The following HDAC9 variants were observed in gnomAD, a reference collection of about 807,000 sequenced individuals.
The protein encoded by HDAC9 is MEF-2 interacting transcription repressor (MITR) protein.
In HDAC9, 41 loss-of-function variants were observed where a neutral mutation model predicts 139.4. The observed-to-expected ratio is 0.29, with a 90% confidence interval of 0.23 to 0.38. HDAC9 has a LOEUF of 0.38. HDAC9 is among the 10% of genes least tolerant of loss of function. The pLI, the probability that HDAC9 is intolerant of heterozygous loss-of-function variation, is 1.00. For synonymous variants in HDAC9, 517 were observed against 476.2 expected (o/e 1.09, Z -1.12); for missense variants, 1,147 against 1,297.0 (o/e 0.88, Z 1.78).
intron 1 of HDAC9, among the ~76,000 whole-genome samples, chr7:18,422,245 C>G (rs1562970784): frequency 6.6e-6 from 1 of 152,098 alleles, no homozygotes; most frequent in African/African-American, 2.4e-5. Context: ...CCTTTCTCCT[C>G]AGTTTCCCCT....
chr7:18,863,496 T>C (rs1166685877), intron 21 of HDAC9, among the ~76,000 whole-genome samples: 1 of 152,216 alleles, frequency 6.6e-6, no homozygotes, highest in Admixed American at 6.5e-5. Flanking sequence ...GTATTTTATG[T>C]GTGGCCCAAG....
chr7:18,514,956 A>G (rs1389271866), intron 2 of HDAC9, among the ~76,000 whole-genome samples: 2 of 152,154 alleles, frequency 1.3e-5, no homozygotes, highest in Admixed American at 1.3e-4. Flanking sequence ...TAAAGATAAT[A>G]AGAAAATAAT....
chr7:18,160,835 C>A (rs1413042871), intron 1 of HDAC9, among the ~76,000 whole-genome samples: 1 of 152,072 alleles, frequency 6.6e-6, no homozygotes, highest in Non-Finnish European at 1.5e-5. Context: ...CCAGGCTGGT[C>A]TCAAACTCCT....
intron 22 of HDAC9, among the ~76,000 whole-genome samples, chr7:18,909,800 A>G (rs1802585924): frequency 6.6e-6 from 1 of 152,032 alleles, no homozygotes; most frequent in South Asian, 2.1e-4. Flanking sequence ...CCTCTCTTCT[A>G]TTCCACTGAT....
chr7:18,723,839 A>T (rs1785321283), intron 12 of HDAC9, among the ~76,000 whole-genome samples: 1 of 152,218 alleles, frequency 6.6e-6, no homozygotes, highest in African/African-American at 2.4e-5. Flanking sequence ...TGATAAAAAA[A>T]GAAACATGGC....
At chr7:18,754,235 T>C (rs1016324918) in intron 14 of HDAC9, among the ~76,000 whole-genome samples, 4 of 152,068 alleles carry the variant, frequency 2.6e-5, no homozygotes, top group Non-Finnish European at 5.9e-5. Context: ...ACCAGCAGCT[T>C]TCTTATCACC....
At chr7:18,226,639 C>G (rs1793076149) in intron 2 of HDAC9, among the ~76,000 whole-genome samples, 1 of 152,060 alleles carries the variant, frequency 6.6e-6, no homozygotes, top group African/African-American at 2.4e-5. Context: ...ATAGCCTAGC[C>G]TAGGGGTTCA....
At chr7:18,097,565 A>G (rs561542520) in intron 1 of HDAC9, among the ~76,000 whole-genome samples, 4 of 147,662 alleles carry the variant, frequency 2.7e-5, no homozygotes, top group East Asian at 2.0e-4. Flanking sequence ...TGGATTATCT[A>G]TATCATTATT....
rs991489701 is a variant in HDAC9 at position 19,002,354 on chromosome 7, T to A, written c.*6292T>A. The A allele has an allele frequency of 5.9e-5, 9 of 152,140 alleles. No homozygotes were observed. Among genetic ancestry groups the A allele is most frequent in the Admixed American group, 2.6e-4 (4 of 15,272 alleles). 9.4% of individuals were successfully genotyped at this position (152,140 alleles called of 1,614,324 possible). On this transcript the variant is annotated 3_prime_UTR_variant, in exon 26 of 26. Coordinates refer to ENST00000686413, the MANE Select transcript of HDAC9 (RefSeq NM_178425.4). Reference sequence around the variant, plus strand: ...GAATAAAATAACCCCTTTTGTTTTGTGTTTTCTACTGAATTAGATTTTCCT... The same window carrying A: ...GAATAAAATAACCCCTTTTGTTTTGAGTTTTCTACTGAATTAGATTTTCCT...
rs576920885 is a variant in HDAC9 at position 18,248,718 on chromosome 7, A to G, written c.25+86369A>G. Among the ~76,000 whole-genome samples, 10 of 152,336 alleles carry G rather than the reference A, an allele frequency of 6.6e-5. No individual in the cohort carries two copies. The South Asian group carries it at 2.1e-3, about 32-fold the overall frequency. The stretch of plus-strand genomic sequence containing the variant: ...ATTGGTCTGTAAAAGTCTTCTCACC[A>G]AGGCTGTGGGAAGGAACGTTTCCTC... On this transcript the variant is annotated intron_variant, in intron 2 of 12. Coordinates refer to the HDAC9 transcript ENST00000417496.
At chr7:18,183,045 T>C (rs1789587725) in intron 2 of HDAC9, among the ~76,000 whole-genome samples, 1 of 151,822 alleles carries the variant, frequency 6.6e-6, no homozygotes, top group South Asian at 2.1e-4. Flanking sequence ...AGTCTCACTC[T>C]GTTGCCCGTG....
chr7:18,864,230 A>T (rs1798320435), intron 21 of HDAC9, among the ~76,000 whole-genome samples: 1 of 152,338 alleles, frequency 6.6e-6, no homozygotes, highest in African/African-American at 2.4e-5. Context: ...CATATGTAAC[A>T]ACATGGATGA....
Position 18,762,280 on chromosome 7 carries a change from C to A in HDAC9, c.2164+3C>A, listed in dbSNP as rs767012765. 2 of 1,613,250 alleles carry A rather than the reference C, an allele frequency of 1.2e-6. No homozygotes were observed. Among genetic ancestry groups the A allele is most frequent in the East Asian group, 4.5e-5 (2 of 44,836 alleles). On this transcript the variant is annotated splice_donor_region_variant and intron_variant, in intron 15 of 25. Coordinates refer to ENST00000686413, the MANE Select transcript of HDAC9 (RefSeq NM_178425.4). The stretch of plus-strand genomic sequence containing the variant: ...GCTGGACCCCAGGATACTCCTAGGT[C>A]TGTACGGGCCTCCACTGTACTGGGA...
At chr7:18,137,903 T>C (rs1328893370) in intron 1 of HDAC9, among the ~76,000 whole-genome samples, 2 of 151,872 alleles carry the variant, frequency 1.3e-5, no homozygotes, top group Non-Finnish European at 2.9e-5. Context: ...CTTGTACCTC[T>C]GGTAGAATTT....
intron 1 of HDAC9, among the ~76,000 whole-genome samples, chr7:18,423,859 A>C (rs1451940264): frequency 6.6e-6 from 1 of 152,226 alleles, no homozygotes; most frequent in Non-Finnish European, 1.5e-5. Context: ...GTGCCAGACC[A>C]GATTCACAGC....
intron 22 of HDAC9, among the ~76,000 whole-genome samples, chr7:18,930,096 C>G (rs142461599): frequency 6.6e-6 from 1 of 152,022 alleles, no homozygotes; most frequent in Non-Finnish European, 1.5e-5. Context: ...GTGGCTGCTC[C>G]GAGGCATCCA....
chr7:18,973,991 CAG>C (rs1784404271), intron 24 of HDAC9, among the ~76,000 whole-genome samples: 1 of 152,176 alleles, frequency 6.6e-6, no homozygotes, highest in African/African-American at 2.4e-5. Flanking sequence ...CCAGGATCAT[CAG>C]AGTGTCATTC....
At chr7:18,310,570 C>G (rs544429905) in intron 1 of HDAC9, among the ~76,000 whole-genome samples, 1 of 152,122 alleles carries the variant, frequency 6.6e-6, no homozygotes, top group South Asian at 2.1e-4. Context: ...CATACACTCA[C>G]GTTTAACTTC....
intron 2 of HDAC9, among the ~76,000 whole-genome samples, chr7:18,196,942 T>C (rs1279967260): frequency 6.6e-6 from 1 of 152,152 alleles, no homozygotes; most frequent in Admixed American, 6.5e-5. Context: ...GGTGATACTG[T>C]GAGGGTGATT....
Sources: allele counts gnomAD v4.1 joint callset (sites outside exome capture counted in the v4.1 genomes callset), GRCh38; gene constraint gnomAD v4.1.1; transcripts MANE v1.5; gene names NCBI Gene and HGNC (gene_info 2026-07-23, HGNC 2026-07-21).